The following UGT1A6 variants were observed in gnomAD, a reference collection of about 807,000 sequenced individuals.
UGT1A6 encodes UDP-glucuronosyltransferase 1A6.
UGT1A6 carries 32 observed loss-of-function variants against 44.4 expected under a neutral mutation model. The ratio of observed to expected loss-of-function variants is 0.72; its 90% CI spans 0.54 to 0.97. The LOEUF (loss-of-function observed/expected upper bound fraction) is 0.97, where lower values mean the gene tolerates loss of function less well. Ranked by LOEUF, UGT1A6 falls within the 50% of genes least tolerant of loss-of-function variation. UGT1A6 has a pLI of 0.00. For synonymous variants in UGT1A6, 238 were observed against 248.5 expected (o/e 0.96, Z 0.40); for missense variants, 685 against 661.9 (o/e 1.03, Z -0.38).
At chr2:233,744,065 G>A in intron 1 of UGT1A6, 1 of 544,540 alleles carries the variant, frequency 1.8e-6, no homozygotes. Flanking sequence ...CGAGGCCTAT[G>A]AGCGCCTCGC....
intron 1 of UGT1A6, chr2:233,755,173 C>T (rs541147048): frequency 7.2e-6 from 9 of 1,248,952 alleles, no homozygotes; most frequent in Non-Finnish European, 9.8e-6. Flanking sequence ...GGGTTTTTGT[C>T]GGGGTGCCAC....
At chr2:233,732,692 C>T (rs1425902853) in intron 1 of UGT1A6, among the ~76,000 whole-genome samples, 1 of 150,324 alleles carries the variant, frequency 6.7e-6, no homozygotes, top group Non-Finnish European at 1.5e-5. Context: ...AGCACCCATG[C>T]TGTTTTGTTA....
At chr2:233,696,172 A>G (rs755372568) in intron 1 of UGT1A6, among the ~76,000 whole-genome samples, 1 of 152,238 alleles carries the variant, frequency 6.6e-6, no homozygotes, top group Non-Finnish European at 1.5e-5. Flanking sequence ...AAAAAAATAT[A>G]TATTGAAGAG....
chr2:233,735,469 G>T (rs1476007711), intron 1 of UGT1A6, among the ~76,000 whole-genome samples: 1 of 152,020 alleles, frequency 6.6e-6, no homozygotes, highest in African/African-American at 2.4e-5. Context: ...TATCCAATTT[G>T]CCAGTCTGTG....
In UGT1A6 at chr2:233,743,774, T is replaced by G. The variant is rs370785747; in HGVS notation, c.862-23260T>G. On this transcript the variant is annotated intron_variant, in intron 1 of 4. Transcript: ENST00000305139. ...CAACACCTCGTAGGCCTCGGCCACC[T>G]GCTTGAATCTCCTCTCCGCTTCCTC... 2.2e-6 allele frequency: 3 copies of G among 1,367,230 alleles called. No homozygotes were observed. The African/African-American group carries it at 4.4e-5, about 20-fold the overall frequency. 84.7% of individuals were successfully genotyped at this position (1,367,230 alleles called of 1,614,324 possible).
chr2:233,755,506 C>T (rs1314328553), intron 1 of UGT1A6: 1 of 167,798 alleles, frequency 6.0e-6, no homozygotes, highest in Admixed American at 5.8e-5. Context: ...CAAGACCAGG[C>T]CCCGCCCACT....
chr2:233,762,007 A>G (rs1297893749), intron 1 of UGT1A6, among the ~76,000 whole-genome samples: 1 of 152,144 alleles, frequency 6.6e-6, no homozygotes, highest in African/African-American at 2.4e-5. Flanking sequence ...CTATACCTCC[A>G]ATGTGATTTG....
At chr2:233,738,047 C>T (rs1690670574) in intron 1 of UGT1A6, among the ~76,000 whole-genome samples, 1 of 152,068 alleles carries the variant, frequency 6.6e-6, no homozygotes, top group Non-Finnish European at 1.5e-5. Flanking sequence ...GTGTTGAGGA[C>T]AGGACATGGT....
At chr2:233,713,422 C>T (rs1163923876) in intron 1 of UGT1A6, 2 of 1,614,168 alleles carry the variant, frequency 1.2e-6, no homozygotes, top group Admixed American at 3.3e-5. Flanking sequence ...CTGCATGCTA[C>T]TTCCTTTGAT....
chr2:233,742,188 G>A (rs1460351470), intron 1 of UGT1A6, among the ~76,000 whole-genome samples: 8 of 151,916 alleles, frequency 5.3e-5, no homozygotes, highest in Non-Finnish European at 8.8e-5. Context: ...AGTGTGGAGT[G>A]GGAAATCAGG....
At chr2:233,741,718 G>A (rs530950175) in intron 1 of UGT1A6, 1 of 151,874 alleles carries the variant, frequency 6.6e-6, no homozygotes, top group Non-Finnish European at 1.5e-5. Flanking sequence ...GGGTTCTAGA[G>A]CATATCCAAA....
chr2:233,758,824 C>A (rs1696993714), intron 1 of UGT1A6, among the ~76,000 whole-genome samples: 1 of 152,138 alleles, frequency 6.6e-6, no homozygotes, highest in African/African-American at 2.4e-5. Flanking sequence ...TATATCCCCC[C>A]CAAAAAGAGT....
intron 1 of UGT1A6, chr2:233,718,953 C>A (rs369434904): frequency 1.2e-6 from 2 of 1,614,166 alleles, no homozygotes; most frequent in East Asian, 4.5e-5. Flanking sequence ...GCTCAGCATG[C>A]GGGAGGCCTT....
Position 233,693,127 on chromosome 2 carries a change from T to G in UGT1A6, c.123T>G (p.Ser41Arg), listed in dbSNP as rs779383196. Residue 41 changes from serine (S) to arginine (R), a missense_variant, in exon 1 of 5, where the codon AGT becomes AGG. By Grantham distance (110) the Ser-to-Arg change is moderately radical. Coordinates refer to ENST00000305139, the MANE Select transcript of UGT1A6 (RefSeq NM_001072.4). ...CTCAGGACGGAAGCCACTGGCTTAG[T>G]ATGAAGGATATAGTTGAGGTTCTCA... is the stretch of plus-strand genomic sequence containing the variant. ...VVPQDGSHWL[S>R]MKDIVEVLSD... 1 of 1,614,216 alleles carries G rather than the reference T, an allele frequency of 6.2e-7. No individual in the cohort carries two copies. Among genetic ancestry groups the G allele is most frequent in the African/African-American group, 1.3e-5 (1 of 75,070 alleles).
chr2:233,745,008 A>G (rs552050904), intron 1 of UGT1A6, among the ~76,000 whole-genome samples: 2 of 151,846 alleles, frequency 1.3e-5, no homozygotes, highest in Non-Finnish European at 2.9e-5. Flanking sequence ...TTACCTAATA[A>G]ATGTAAATGC....
chr2:233,750,793 G>A (rs996966433), intron 1 of UGT1A6: 7 of 151,906 alleles, frequency 4.6e-5, no homozygotes, highest in African/African-American at 1.7e-4. Flanking sequence ...CAGAAGATAA[G>A]AATTTAGGTT....
At position 233,706,863 on chromosome 2, in the gene UGT1A6, A is replaced by G. The variant is rs557746658; in HGVS notation, c.861+12998A>G. 6.4e-4 allele frequency among the ~76,000 whole-genome samples: 97 copies of G among 152,338 alleles called. 1 individual carries two copies. In the South Asian group the frequency reaches 0.019, roughly 30 times the overall value. Reference sequence around the variant, plus strand: ...CTCAGCAGTCTTTACTAAGATTCCTAGACCTGGCACTTCCCAGCTCTGGTT... The same window carrying G: ...CTCAGCAGTCTTTACTAAGATTCCTGGACCTGGCACTTCCCAGCTCTGGTT... On this transcript the variant is annotated intron_variant, in intron 1 of 4. Coordinates refer to ENST00000305139, the MANE Select transcript of UGT1A6 (RefSeq NM_001072.4).
intron 1 of UGT1A6, among the ~76,000 whole-genome samples, chr2:233,707,726 C>T (rs1259852102): frequency 6.6e-6 from 1 of 152,168 alleles, no homozygotes; most frequent in Non-Finnish European, 1.5e-5. Flanking sequence ...AACAATGTTA[C>T]AACGAACATT....
intron 1 of UGT1A6, among the ~76,000 whole-genome samples, chr2:233,739,970 G>A (rs887253377): frequency 6.6e-5 from 10 of 151,810 alleles, no homozygotes; most frequent in Admixed American, 4.6e-4. Flanking sequence ...GAATCATATC[G>A]GCAGTTTTCC....
Sources: gnomAD v4.1 joint callset for allele counts (sites outside exome capture counted in the v4.1 genomes callset) on GRCh38, gnomAD v4.1.1 for gene constraint, MANE v1.5 for transcripts, NCBI Gene and HGNC (gene_info 2026-07-23, HGNC 2026-07-21) for gene names.